The following DOK6 variants were observed in gnomAD, a reference collection of about 807,000 sequenced individuals.
The protein encoded by DOK6 is docking protein 6, also known as downstream of tyrosine kinase 6.
In DOK6, 22 loss-of-function variants were observed where a neutral mutation model predicts 44.0. The observed-to-expected ratio is 0.50, with a 90% CI of 0.36 to 0.71. The LOEUF (loss-of-function observed/expected upper bound fraction) is 0.71. Among genes scored for constraint, DOK6 ranks in the 30% least tolerant of loss-of-function variants. DOK6 has a pLI of 0.00. For synonymous variants in DOK6, 166 were observed against 145.5 expected (o/e 1.14, Z -1.01); for missense variants, 340 against 416.4 (o/e 0.82, Z 1.60).
intron 1 of DOK6, among the ~76,000 whole-genome samples, chr18:69,410,147 C>G (rs1473740598): frequency 6.6e-6 from 1 of 152,222 alleles, no homozygotes; most frequent in Non-Finnish European, 1.5e-5. Context: ...AATTATTTAG[C>G]ACTGTGAAGT....
intron 7 of DOK6, among the ~76,000 whole-genome samples, chr18:69,788,192 G>A (rs577312882): frequency 6.6e-6 from 1 of 152,238 alleles, no homozygotes; most frequent in East Asian, 1.9e-4. Flanking sequence ...GGTAATCTAG[G>A]TCTCTTCTGG....
At chr18:69,711,382 T>TA (rs1488770746) in intron 5 of DOK6, among the ~76,000 whole-genome samples, 1 of 152,206 alleles carries the variant, frequency 6.6e-6, no homozygotes, top group Non-Finnish European at 1.5e-5. Context: ...AAGCTGTGAT[T>TA]AAAAACCACT....
At chr18:69,566,206 C>T (rs1422236227) in intron 2 of DOK6, among the ~76,000 whole-genome samples, 1 of 151,910 alleles carries the variant, frequency 6.6e-6, no homozygotes, top group Non-Finnish European at 1.5e-5. Flanking sequence ...GGCGCGATCT[C>T]GGCTCACTGT....
chr18:69,780,667 T>A (rs1488652274), intron 7 of DOK6, among the ~76,000 whole-genome samples: 3 of 152,242 alleles, frequency 2.0e-5, no homozygotes, highest in Non-Finnish European at 4.4e-5. Context: ...AAAGCTTTCA[T>A]GGACACAATC....
intron 3 of DOK6, among the ~76,000 whole-genome samples, chr18:69,635,267 G>A (rs1221468243): frequency 1.3e-5 from 2 of 151,966 alleles, no homozygotes; most frequent in Admixed American, 6.6e-5. Context: ...CCAGAGATTC[G>A]ATATTTTTCT....
intron 1 of DOK6, among the ~76,000 whole-genome samples, chr18:69,518,591 T>A (rs1981598643): frequency 6.6e-6 from 1 of 151,948 alleles, no homozygotes; most frequent in Non-Finnish European, 1.5e-5. Context: ...TTTAGAATTT[T>A]TGTATCAAAA....
intron 1 of DOK6, among the ~76,000 whole-genome samples, chr18:69,420,630 A>C (rs1474365401): frequency 1.3e-5 from 2 of 152,098 alleles, no homozygotes; most frequent in Non-Finnish European, 2.9e-5. Flanking sequence ...TCCTAATGCT[A>C]TCCCTCATTT....
chr18:69,659,268 T>C (rs896844995), intron 3 of DOK6, among the ~76,000 whole-genome samples: 8 of 152,192 alleles, frequency 5.3e-5, no homozygotes, highest in African/African-American at 1.7e-4. Context: ...TCATATTACA[T>C]AAAATGATTT....
At chr18:69,465,838 G>A (rs931008986) in intron 1 of DOK6, among the ~76,000 whole-genome samples, 1 of 151,854 alleles carries the variant, frequency 6.6e-6, no homozygotes, top group Non-Finnish European at 1.5e-5. Flanking sequence ...GGGATGGCTG[G>A]GTCAAATGGT....
intron 7 of DOK6, among the ~76,000 whole-genome samples, chr18:69,838,975 C>T (rs2145138557): frequency 6.6e-6 from 1 of 150,902 alleles, no homozygotes; most frequent in East Asian, 2.0e-4. Context: ...CTCCCCAAGC[C>T]TCACCCCTAG....
chr18:69,741,534 G>C (rs1261615811), intron 6 of DOK6, among the ~76,000 whole-genome samples: 1 of 152,064 alleles, frequency 6.6e-6, no homozygotes. Flanking sequence ...GTCTCGCTCT[G>C]TCACCCGGGC....
At chr18:69,675,497 T>C (rs1985900765) in intron 3 of DOK6, among the ~76,000 whole-genome samples, 2 of 152,160 alleles carry the variant, frequency 1.3e-5, no homozygotes, top group African/African-American at 4.8e-5. Flanking sequence ...TTACATTATT[T>C]TTACATCGTG....
At chr18:69,665,330 C>G (rs1382693640) in intron 3 of DOK6, among the ~76,000 whole-genome samples, 1 of 152,152 alleles carries the variant, frequency 6.6e-6, no homozygotes, top group African/African-American at 2.4e-5. Context: ...AACCTATGAC[C>G]CAATGCACAC....
At position 69,842,396 on chromosome 18, in the gene DOK6, C is replaced by T. The variant is rs1234547155; in HGVS notation, c.*1013C>T. Reference sequence around the variant, plus strand: ...GAACGCCGATCAGCTTCCATTTAACCTTGAGAGAAAAGAGAGGTTCTAAAT... The same window carrying T: ...GAACGCCGATCAGCTTCCATTTAACTTTGAGAGAAAAGAGAGGTTCTAAAT... On this transcript the variant is annotated 3_prime_UTR_variant, in exon 8 of 8. Transcript: ENST00000382713. 2.0e-5 allele frequency: 3 copies of T among 152,106 alleles called. No homozygotes were observed. Among genetic ancestry groups the T allele is most frequent in the Non-Finnish European group, 4.4e-5 (3 of 68,026 alleles). The allele number at this position is 152,106 out of a possible 1,614,324, so 9.4% of individuals were successfully genotyped here.
intron 7 of DOK6, among the ~76,000 whole-genome samples, chr18:69,822,051 A>G (rs1290163176): frequency 6.6e-6 from 1 of 152,174 alleles, no homozygotes; most frequent in African/African-American, 2.4e-5. Context: ...TCACGAGGTT[A>G]TTCAACTCTC....
At chr18:69,766,664 G>T (rs1237979214) in intron 7 of DOK6, among the ~76,000 whole-genome samples, 1 of 152,082 alleles carries the variant, frequency 6.6e-6, no homozygotes, top group East Asian at 1.9e-4. Context: ...AATTGAGTAG[G>T]TTGAGGAGGA....
chr18:69,782,653 C>T (rs190395211), intron 7 of DOK6, among the ~76,000 whole-genome samples: 1 of 152,108 alleles, frequency 6.6e-6, no homozygotes, highest in Admixed American at 6.5e-5. Flanking sequence ...AATCCCAGCA[C>T]TTTGGGAGGC....
intron 1 of DOK6, among the ~76,000 whole-genome samples, chr18:69,494,639 G>A (rs1426095333): frequency 1.3e-5 from 2 of 151,952 alleles, no homozygotes; most frequent in Non-Finnish European, 2.9e-5. Flanking sequence ...CTTCTTGATC[G>A]TGTTGTCTTA....
intron 1 of DOK6, among the ~76,000 whole-genome samples, chr18:69,534,496 A>C (rs1426296000): frequency 6.6e-6 from 1 of 151,978 alleles, no homozygotes; most frequent in Non-Finnish European, 1.5e-5. Flanking sequence ...TTTGCTTCTA[A>C]ATTTTTTTTA....
Sources: gnomAD v4.1 joint callset for allele counts (sites outside exome capture counted in the v4.1 genomes callset) on GRCh38, gnomAD v4.1.1 for gene constraint, MANE v1.5 for transcripts, NCBI Gene and HGNC (gene_info 2026-07-23, HGNC 2026-07-21) for gene names.